Variants in DOCK1 observed in about 807,000 individuals in gnomAD.
DOCK1 encodes dedicator of cytokinesis protein 1.
Under a neutral mutation model 262.7 loss-of-function variants are expected in DOCK1, and 138 were observed. The ratio of observed to expected loss-of-function variants is 0.53; its 90% confidence interval spans 0.46 to 0.61. DOCK1 has a LOEUF of 0.61. Ranked by LOEUF, DOCK1 falls within the 20% of genes least tolerant of loss-of-function variation. The pLI is 0.00. For synonymous variants in DOCK1, 866 were observed against 867.4 expected, an observed-to-expected ratio of 1.00 and a Z score of 0.03; for missense variants, 1,908 against 2,370.7, an observed-to-expected ratio of 0.80 and a Z score of 4.05.
At position 127,131,736 on chromosome 10, in the gene DOCK1, AC is replaced by A. The variant is rs370518992; in HGVS notation, c.2847+3973del. ...GCAAAAAGTATCCCTGACAAGGTGG[AC>A]AAAAACCTTAATCAGTAGACCTTCT... is the stretch of plus-strand genomic sequence containing the variant. On this transcript the variant is annotated intron_variant, in intron 27 of 51. Coordinates refer to ENST00000623213, the MANE Select transcript of DOCK1 (RefSeq NM_001290223.2). 7.0e-4 allele frequency among the ~76,000 whole-genome samples: 106 copies of A among 152,356 alleles called. 2 individuals carry two copies. In the East Asian group the frequency reaches 0.019, roughly 27 times the overall value.
chr10:127,400,992 A>G (rs1478140151), intron 38 of DOCK1, among the ~76,000 whole-genome samples: 1 of 152,174 alleles, frequency 6.6e-6, no homozygotes, highest in African/African-American at 2.4e-5. Flanking sequence ...ATACAACTTC[A>G]CTATCGTAGA....
intron 9 of DOCK1, among the ~76,000 whole-genome samples, chr10:126,999,864 A>G (rs2040463853): frequency 6.6e-6 from 1 of 152,080 alleles, no homozygotes; most frequent in East Asian, 1.9e-4. Context: ...TTTAGTAGAG[A>G]TGGGGTTTCC....
intron 14 of DOCK1, among the ~76,000 whole-genome samples, chr10:127,023,975 C>T (rs1207907107): frequency 6.6e-6 from 1 of 152,224 alleles, no homozygotes; most frequent in Non-Finnish European, 1.5e-5. Flanking sequence ...ACCTCGTGCT[C>T]TACCTACCGG....
chr10:127,038,324 C>T (rs946850697), intron 19 of DOCK1, among the ~76,000 whole-genome samples: 1 of 152,262 alleles, frequency 6.6e-6, no homozygotes, highest in East Asian at 1.9e-4. Context: ...CTGGGTTAGC[C>T]GTGAAGGGGA....
intron 27 of DOCK1, among the ~76,000 whole-genome samples, chr10:127,192,226 GAATAAACAGTTCAGTGCTCTATAA>G (rs2056808886): frequency 1.3e-5 from 2 of 152,144 alleles, no homozygotes; most frequent in African/African-American, 4.8e-5. Context: ...GCAATACTTT[GAATAAACAGTTCAGTGCTCTATAA>G]AATAAATATT....
rs371707213 is a variant in DOCK1 at position 127,176,353 on chromosome 10, C to T, written c.2847+48589C>T. On this transcript the variant is annotated intron_variant, in intron 27 of 51. Transcript: ENST00000623213. The surrounding 1 kb of genome is among the most constrained non-coding windows in gnomAD (Gnocchi z 4.4). ...CAGGCGGCGGGTTCCACTTCACTCT[C>T]CGACGTTGTGAGTATGCATTTGCCG... The T allele has an allele frequency of 6.2e-7, 1 of 1,613,460 alleles. No homozygotes were observed. Among genetic ancestry groups the T allele is most frequent in the African/African-American group, 1.3e-5 (1 of 75,010 alleles).
At chr10:127,322,949 T>A (rs185190932) in intron 29 of DOCK1, among the ~76,000 whole-genome samples, 7 of 152,336 alleles carry the variant, frequency 4.6e-5, no homozygotes, top group African/African-American at 1.4e-4. Context: ...AATCAATCAC[T>A]CTGATGTAAC....
rs1296731284 is a variant in DOCK1, at chr10:127,446,773, G to A, written c.5414-621G>A. Among the ~76,000 whole-genome samples the A allele has an allele frequency of 1.3e-5, 2 of 152,180 alleles. No individual in the cohort carries two copies. The highest frequency in any genetic ancestry group is 6.5e-5 in the Admixed American group (1 of 15,284). On this transcript the variant is annotated intron_variant, in intron 50 of 51. Transcript: ENST00000623213. This position sits in a 1 kb window ranked among gnomAD's most constrained non-coding sequence, Gnocchi z 4.4. ...ATCCTGCCTTAATGATTATTCCTCC[G>A]TTTGAAAACGGCTATTTTTTCCAGT...
At chr10:127,112,393 A>G (rs2048922359) in intron 25 of DOCK1, among the ~76,000 whole-genome samples, 1 of 151,954 alleles carries the variant, frequency 6.6e-6, no homozygotes. Context: ...TTTATATTCG[A>G]TGATTTTGTT....
chr10:127,110,138 A>G (rs1188523907), intron 24 of DOCK1, 110 bp from the exon 25 acceptor site: 7 of 840,304 alleles, frequency 8.3e-6, no homozygotes. Context: ...TGTGTTGAAC[A>G]TACTGGTGAC....
rs1565003910 is a variant in DOCK1, at chr10:126,953,759, G to A, written c.47-16943G>A. ...TCCACGTGTGTTGGGGTTAGAGGGT[G>A]TGTGGCTGCTCAGTGGTCAGCTTTG... is the stretch of plus-strand genomic sequence containing the variant. On this transcript the variant is annotated intron_variant, in intron 1 of 51. Transcript: ENST00000623213. 2.0e-5 allele frequency among the ~76,000 whole-genome samples: 3 copies of A among 152,238 alleles called. No individual in the cohort carries two copies. In the East Asian group the frequency reaches 5.8e-4, roughly 29 times the overall value.
chr10:127,257,561 T>A (rs1454728586), intron 29 of DOCK1, 132 bp downstream of exon 29: 9 of 755,312 alleles, frequency 1.2e-5, no homozygotes, highest in Admixed American at 4.6e-5. Context: ...AATTCTGTGC[T>A]GCAGACAGTT....
intron 11 of DOCK1, among the ~76,000 whole-genome samples, chr10:127,009,821 A>T (rs986785797): frequency 2.6e-5 from 4 of 151,914 alleles, no homozygotes; most frequent in Non-Finnish European, 1.5e-5. Flanking sequence ...TGTGAGGTTG[A>T]CTTCCCTCTG....
intron 43 of DOCK1, among the ~76,000 whole-genome samples, chr10:127,411,678 T>C (rs1408121549): frequency 6.6e-6 from 1 of 152,060 alleles, no homozygotes; most frequent in Non-Finnish European, 1.5e-5. Flanking sequence ...CTGTCTCTAC[T>C]AAAAGTACAA....
chr10:127,142,656 C>T (rs1265726887), intron 27 of DOCK1, among the ~76,000 whole-genome samples: 1 of 152,086 alleles, frequency 6.6e-6, no homozygotes, highest in East Asian at 1.9e-4. Context: ...TGACAAGACA[C>T]GAATTCCTGG....
chr10:127,076,313 A>G (rs900605027), intron 23 of DOCK1, among the ~76,000 whole-genome samples: 12 of 152,208 alleles, frequency 7.9e-5, no homozygotes, highest in African/African-American at 2.2e-4. Context: ...CATCCTGGCT[A>G]ACACGGTGAA....
chr10:127,252,105 G>A (rs1255764696), intron 28 of DOCK1, among the ~76,000 whole-genome samples: 1 of 147,890 alleles, frequency 6.8e-6, no homozygotes, highest in African/African-American at 2.5e-5. Context: ...GTATCTCATT[G>A]TGGTTTTGAT....
chr10:127,077,976 C>G (rs764834265), intron 23 of DOCK1, among the ~76,000 whole-genome samples: 1 of 151,802 alleles, frequency 6.6e-6, no homozygotes, highest in Non-Finnish European at 1.5e-5. Context: ...CTTGGGAGCC[C>G]AGGGGCAGGA....
intron 27 of DOCK1, among the ~76,000 whole-genome samples, chr10:127,210,330 A>G (rs889461549): frequency 2.6e-5 from 4 of 152,152 alleles, no homozygotes; most frequent in African/African-American, 9.7e-5. Context: ...AATGACTCCC[A>G]CGGAAGCTGT....
Sources: allele counts gnomAD v4.1 joint callset (sites outside exome capture counted in the v4.1 genomes callset), GRCh38; gene constraint gnomAD v4.1.1; non-coding constraint Gnocchi (gnomAD v3.1); transcripts MANE v1.5; gene names NCBI Gene and HGNC (gene_info 2026-07-23, HGNC 2026-07-21).